Variants in HAS2 observed in about 807,000 individuals in gnomAD.
HAS2 encodes the protein hyaluronan synthase 2.
HAS2 carries 16 observed loss-of-function variants against 51.6 expected under a neutral mutation model. The observed-to-expected ratio is 0.31, with a 90% CI of 0.21 to 0.47. The LOEUF (loss-of-function observed/expected upper bound fraction) is 0.47, where lower values mean the gene tolerates loss of function less well. HAS2 is among the 20% of genes least tolerant of loss of function. The probability of loss-of-function intolerance (pLI) is 1.00; values close to 1 mark genes in which losing one functional copy is unlikely to be tolerated. For synonymous variants in HAS2, 228 were observed against 235.5 expected, an observed-to-expected ratio of 0.97 and a Z score of 0.29; for missense variants, 361 against 662.6, an observed-to-expected ratio of 0.54 and a Z score of 5.00.
At position 121,613,756 on chromosome 8, in the gene HAS2, G is replaced by T. The variant is rs1376403140; in HGVS notation, c.*353C>A. 7 of 259,656 alleles carry T rather than the reference G, an allele frequency of 2.7e-5. No individual in the cohort carries two copies. The highest frequency in any genetic ancestry group is 1.3e-4 in the African/African-American group (6 of 44,754). The allele number at this position is 259,656 out of a possible 1,614,324, so 16.1% of individuals were successfully genotyped here. ...ATAAGTTAGGTTGTATAGGTTGAAA[G>T]AACTTTTCCTTGAGTTTCCAAAATC... On this transcript the variant is annotated 3_prime_UTR_variant, in exon 4 of 4. Transcript: ENST00000303924.
At chr8:121,619,672 G>C (rs918485916) in intron 2 of HAS2, among the ~76,000 whole-genome samples, 3 of 152,112 alleles carry the variant, frequency 2.0e-5, no homozygotes, top group Non-Finnish European at 4.4e-5. Context: ...GTGATGTTTT[G>C]CCTCTCCCAT....
chr8:121,624,764 G>A (rs1812818523), intron 2 of HAS2, among the ~76,000 whole-genome samples: 1 of 152,048 alleles, frequency 6.6e-6, no homozygotes, highest in Non-Finnish European at 1.5e-5. Flanking sequence ...GTGGTAATAC[G>A]CATGTTCAGT....
At chr8:121,625,517 CT>C (rs35359881) in intron 2 of HAS2, among the ~76,000 whole-genome samples, 169 of 143,934 alleles carry the variant, frequency 1.2e-3, no homozygotes, top group Middle Eastern at 3.6e-3. Context: ...TTCCCTTCAA[CT>C]TTTTTTTTTT....
intron 2 of HAS2, among the ~76,000 whole-genome samples, chr8:121,618,524 A>G (rs1466673169): frequency 2.0e-5 from 3 of 152,204 alleles, no homozygotes; most frequent in Non-Finnish European, 4.4e-5. Flanking sequence ...CTGATGGGTT[A>G]TACCTGCCAA....
At chr8:121,625,979 T>C (rs1205849082) in intron 2 of HAS2, among the ~76,000 whole-genome samples, 2 of 152,142 alleles carry the variant, frequency 1.3e-5, no homozygotes, top group Non-Finnish European at 2.9e-5. Context: ...CATTAATTAT[T>C]TGAACAGCTA....
intron 3 of HAS2, among the ~76,000 whole-genome samples, chr8:121,616,252 G>A (rs1016874384): frequency 4.0e-5 from 6 of 151,548 alleles, no homozygotes; most frequent in African/African-American, 1.5e-4. Context: ...GGACAATATT[G>A]GAAAACCACT....
At chr8:121,625,122 A>G (rs1812826406) in intron 2 of HAS2, among the ~76,000 whole-genome samples, 1 of 149,110 alleles carries the variant, frequency 6.7e-6, no homozygotes, top group African/African-American at 2.5e-5. Context: ...AAAAAAAAAG[A>G]CATCCAAATA....
At chr8:121,627,397 G>C (rs1383977404) in intron 2 of HAS2, among the ~76,000 whole-genome samples, 2 of 152,092 alleles carry the variant, frequency 1.3e-5, no homozygotes, top group Admixed American at 6.6e-5. Flanking sequence ...AATGCTCCCA[G>C]CTGTCTAGAA....
chr8:121,622,995 C>T (rs979560087), intron 2 of HAS2, among the ~76,000 whole-genome samples: 8 of 151,076 alleles, frequency 5.3e-5, no homozygotes, highest in East Asian at 1.9e-4. Context: ...CTTTCTTTTG[C>T]GAAAGGAACG....
In HAS2 at chr8:121,614,503, G is replaced by C; in HGVS notation, c.1265C>G (p.Ser422Cys). 1 of 1,614,072 alleles carries C rather than the reference G, an allele frequency of 6.2e-7. No homozygotes were observed. Among genetic ancestry groups the C allele is most frequent in the Admixed American group, 1.7e-5 (1 of 60,014 alleles). ...ATTTCCTCTAAGGCAGCTGGCAAAA[G>C]ATGATTTTATGAGACCTACTAGCTG... The part of the protein sequence containing the change: ...TVQLVGLIKS[S>C]FASCLRGNIV... The change falls in exon 4 of 4, where the codon TCT becomes TGT. Residue 422 changes from serine (S) to cysteine (C), a missense_variant. Coordinates refer to ENST00000303924, the MANE Select transcript of HAS2 (RefSeq NM_005328.3). This position sits in a 1 kb window ranked among gnomAD's most constrained non-coding sequence, Gnocchi z 7.2.
chr8:121,636,595 T>C (rs1563624737), intron 1 of HAS2, among the ~76,000 whole-genome samples: 1 of 152,182 alleles, frequency 6.6e-6, no homozygotes, highest in Admixed American at 6.5e-5. Context: ...TTGCACCATC[T>C]ATATTAATAA....
chr8:121,617,282 C>A (rs2130433418), intron 2 of HAS2, 76 bp from the exon 3 acceptor site: 1 of 821,378 alleles, frequency 1.2e-6, no homozygotes, highest in East Asian at 2.5e-5. Context: ...CAAAATTTCA[C>A]ATACATACTG....
chr8:121,615,514 G>A (rs1429210376), intron 3 of HAS2, among the ~76,000 whole-genome samples: 1 of 152,028 alleles, frequency 6.6e-6, no homozygotes, highest in African/African-American at 2.4e-5. Flanking sequence ...TAGTAGAGAC[G>A]GGGTTTCGCC....
In HAS2 at chr8:121,629,209, G is replaced by A; in HGVS notation, c.132C>T (p.Phe44=). The A allele has an allele frequency of 6.2e-7, 1 of 1,614,088 alleles. No individual in the cohort carries two copies. The highest frequency in any genetic ancestry group is 8.5e-7 in the Non-Finnish European group (1 of 1,179,944). The part of the protein sequence containing the change: ...YQFIQTDNYY[F]SFGLYGAFLA... The stretch of plus-strand genomic sequence containing the variant: ...AAAAGGCACCATACAGTCCAAAAGA[G>A]AAATAGTAATTATCCGTTTGGATAA... The change falls in exon 2 of 4, where the codon TTC becomes TTT. Residue 44 remains phenylalanine (F), a synonymous_variant. Transcript: ENST00000303924.
At chr8:121,635,060 G>A (rs7834108) in intron 1 of HAS2, among the ~76,000 whole-genome samples, 5,221 of 152,198 alleles carry the variant, frequency 0.034, 329 homozygotes, top group African/African-American at 0.12. Flanking sequence ...GTGCATGTAT[G>A]TCTTGTCTCT....
chr8:121,641,231 A>T lies in HAS2; in HGVS notation c.-379T>A, dbSNP rs1813100689. 6.6e-4 allele frequency: 1 copy of T among 1,516 alleles called. No homozygotes were observed. Among genetic ancestry groups the T allele is most frequent in the Non-Finnish European group, 1.6e-3 (1 of 632 alleles). The allele number at this position is 1,516 out of a possible 1,614,324, so 0.1% of individuals were successfully genotyped here. On this transcript the variant is annotated 5_prime_UTR_variant, in exon 1 of 4. Transcript: ENST00000303924. ...AACAGAAAATCTCTTTTTCGTCTTA[A>T]AAAAAAAAAAAAAAAAAAAAAAAGC...
chr8:121,628,033 A>G (rs923229179), intron 2 of HAS2, among the ~76,000 whole-genome samples: 8 of 152,306 alleles, frequency 5.3e-5, no homozygotes, highest in African/African-American at 1.9e-4. Flanking sequence ...AATTAATGGG[A>G]GACACAGCCT....
chr8:121,619,008 C>T lies in HAS2; in HGVS notation c.628-1802G>A, dbSNP rs141549223. Reference sequence around the variant, plus strand: ...ACCAATTAGTAGAAGCATAAAGTCTCAGAATTAAAGGAGACGTTAGATACA... The same window carrying T: ...ACCAATTAGTAGAAGCATAAAGTCTTAGAATTAAAGGAGACGTTAGATACA... On this transcript the variant is annotated intron_variant, in intron 2 of 3. Transcript: ENST00000303924. Among the ~76,000 whole-genome samples the T allele has an allele frequency of 9.2e-5, 14 of 151,656 alleles. No individual in the cohort carries two copies. The East Asian group carries it at 2.7e-3, about 29-fold the overall frequency.
At chr8:121,625,342 T>TA (rs1424441553) in intron 2 of HAS2, among the ~76,000 whole-genome samples, 1 of 152,062 alleles carries the variant, frequency 6.6e-6, no homozygotes, top group African/African-American at 2.4e-5. Flanking sequence ...CTTTTGTAAA[T>TA]AAAAAAGCCA....
Sources: allele counts gnomAD v4.1 joint callset (sites outside exome capture counted in the v4.1 genomes callset), GRCh38; gene constraint gnomAD v4.1.1; non-coding constraint Gnocchi (gnomAD v3.1); transcripts MANE v1.5; gene names NCBI Gene and HGNC (gene_info 2026-07-23, HGNC 2026-07-21).